Variants in EPM2A observed in about 807,000 individuals in gnomAD.
EPM2A encodes the protein laforin.
Under a neutral mutation model 26.5 loss-of-function variants are expected in EPM2A, and 21 were observed. The ratio of observed to expected loss-of-function variants is 0.79; its 90% CI spans 0.56 to 1.14. The LOEUF (loss-of-function observed/expected upper bound fraction) is 1.14, where lower values mean the gene tolerates loss of function less well. Among genes scored for constraint, EPM2A ranks in the 50% most tolerant of loss-of-function variants. The pLI is 0.00. For missense variants in EPM2A, 458 were observed against 440.8 expected, an observed-to-expected ratio of 1.04 and a Z score of -0.35; for synonymous variants, 217 against 177.6, an observed-to-expected ratio of 1.22 and a Z score of -1.76.
At chr6:145,588,563 A>G (rs1308016881) in intron 2 of EPM2A, among the ~76,000 whole-genome samples, 9 of 152,184 alleles carry the variant, frequency 5.9e-5, no homozygotes, top group Admixed American at 3.3e-4. Context: ...AAATCACATT[A>G]ATCAGCACTC....
chr6:145,618,777 A>C (rs1775569032), intron 2 of EPM2A, among the ~76,000 whole-genome samples: 1 of 152,236 alleles, frequency 6.6e-6, no homozygotes, highest in South Asian at 2.1e-4. Flanking sequence ...GAACAGACTA[A>C]TACAATGTCA....
chr6:145,432,715 A>G (rs1778938084), intron 4 of EPM2A, among the ~76,000 whole-genome samples: 1 of 152,162 alleles, frequency 6.6e-6, no homozygotes, highest in African/African-American at 2.4e-5. Context: ...AGCTCCTCAC[A>G]AGAGTCAACC....
chr6:145,714,586 G>A (rs1298273799), intron 1 of EPM2A, among the ~76,000 whole-genome samples: 1 of 152,178 alleles, frequency 6.6e-6, no homozygotes, highest in African/African-American at 2.4e-5. Flanking sequence ...TGCTGATAGA[G>A]ACATACCTGA....
intron 2 of EPM2A, among the ~76,000 whole-genome samples, chr6:145,513,554 C>T (rs545819331): frequency 1.4e-4 from 21 of 152,250 alleles, no homozygotes; most frequent in African/African-American, 4.8e-4. Context: ...AGTATCTTCC[C>T]AGTGGAAAAG....
In EPM2A at chr6:145,467,625, C is replaced by G. The variant is rs116009610; in HGVS notation, c.555+34897G>C. Among the ~76,000 whole-genome samples, 1,035 of 152,198 alleles carry G rather than the reference C, an allele frequency of 6.8e-3. 6 individuals carry two copies. Among genetic ancestry groups the G allele is most frequent in the African/African-American group, 0.024 (1,000 of 41,536 alleles). ...ACTTTAAATTAAACATGTCAAGGTT[C>G]ACAAAGAGTTCTTTTAAGATTTTAT... On this transcript the variant is annotated intron_variant, in intron 4 of 4. Transcript: ENST00000638717.
intron 1 of EPM2A, among the ~76,000 whole-genome samples, chr6:145,699,448 T>A (rs1781794238): frequency 6.6e-6 from 1 of 152,098 alleles, no homozygotes. Flanking sequence ...TGCATATGAA[T>A]GTAGAAAACT....
intron 1 of EPM2A, among the ~76,000 whole-genome samples, chr6:145,701,923 C>G (rs527445130): frequency 2.0e-5 from 3 of 152,080 alleles, no homozygotes; most frequent in Non-Finnish European, 4.4e-5. Flanking sequence ...ACAAAAAAAG[C>G]GAGCAAGAAA....
At chr6:145,563,205 G>C (rs1416765272) in intron 2 of EPM2A, among the ~76,000 whole-genome samples, 1 of 151,710 alleles carries the variant, frequency 6.6e-6, no homozygotes, top group Admixed American at 6.6e-5. Context: ...CCTGTGTGGA[G>C]TGAATGTGCC....
chr6:145,574,465 G>A lies in EPM2A; in HGVS notation c.340+60780C>T, dbSNP rs188647580. ...CATTGTATTTCAATTTTGTAGTTGA[G>A]TGACTGTGGTTCCCACTGTTAGATC... is the stretch of plus-strand genomic sequence containing the variant. On this transcript the variant is annotated intron_variant, in intron 2 of 3. Coordinates refer to the EPM2A transcript ENST00000450221. Among the ~76,000 whole-genome samples, 178 of 152,302 alleles carry A rather than the reference G, an allele frequency of 1.2e-3. 1 individual carries two copies. Among genetic ancestry groups the A allele is most frequent in the Non-Finnish European group, 2.2e-3 (151 of 68,028 alleles).
intron 2 of EPM2A, among the ~76,000 whole-genome samples, chr6:145,570,725 G>A (rs1182110418): frequency 6.6e-6 from 1 of 152,166 alleles, no homozygotes; most frequent in African/African-American, 2.4e-5. Flanking sequence ...AAGCATCTGG[G>A]TCATTTGTAG....
intron 1 of EPM2A, among the ~76,000 whole-genome samples, chr6:145,732,689 G>A (rs1776561656): frequency 6.6e-6 from 1 of 152,122 alleles, no homozygotes. Context: ...ATCTGAACAT[G>A]ATTTATAGTG....
intron 2 of EPM2A, among the ~76,000 whole-genome samples, chr6:145,662,327 C>G (rs1778778802): frequency 6.6e-6 from 1 of 152,120 alleles, no homozygotes. Flanking sequence ...GATCATTTTT[C>G]TAATTAATTT....
At chr6:145,689,641 C>T (rs2128617621) in intron 1 of EPM2A, among the ~76,000 whole-genome samples, 1 of 152,314 alleles carries the variant, frequency 6.6e-6, no homozygotes. Context: ...CCTAGCCAGA[C>T]AGAAATCTGT....
intron 4 of EPM2A, among the ~76,000 whole-genome samples, chr6:145,469,606 C>T (rs1319727973): frequency 1.3e-5 from 2 of 151,988 alleles, no homozygotes; most frequent in Non-Finnish European, 2.9e-5. Context: ...CTATAAAGAA[C>T]AGTTTGGAGG....
intron 2 of EPM2A, among the ~76,000 whole-genome samples, chr6:145,657,985 C>G (rs1037481421): frequency 1.3e-5 from 2 of 152,158 alleles, no homozygotes; most frequent in Admixed American, 6.5e-5. Context: ...GCTCAAGTGT[C>G]TGGAATAAAA....
chr6:145,543,072 C>T (rs1780536627), intron 2 of EPM2A, among the ~76,000 whole-genome samples: 1 of 151,994 alleles, frequency 6.6e-6, no homozygotes. Flanking sequence ...AGCCAGCTTC[C>T]TTTCGTTTTT....
At chr6:145,679,349 G>C (rs779373923) in intron 2 of EPM2A, among the ~76,000 whole-genome samples, 21 of 151,764 alleles carry the variant, frequency 1.4e-4, no homozygotes, top group Non-Finnish European at 2.8e-4. Flanking sequence ...CATGGCACAT[G>C]TATACCTATG....
chr6:145,405,457 A>G (rs1778554385), intron 4 of EPM2A, among the ~76,000 whole-genome samples: 1 of 152,144 alleles, frequency 6.6e-6, no homozygotes, highest in Non-Finnish European at 1.5e-5. Flanking sequence ...CCCTAGAGTT[A>G]AATATAAAAT....
downstream of EPM2A, among the ~76,000 whole-genome samples, chr6:145,501,166 T>C (rs1779884242): frequency 6.6e-6 from 1 of 152,212 alleles, no homozygotes; most frequent in Non-Finnish European, 1.5e-5. Context: ...AAGAGTTTAG[T>C]GCTATGAAGA....
Sources: allele counts gnomAD v4.1 joint callset (sites outside exome capture counted in the v4.1 genomes callset), GRCh38; gene constraint gnomAD v4.1.1; transcripts MANE v1.5; gene names NCBI Gene and HGNC (gene_info 2026-07-23, HGNC 2026-07-21).